The following IL20RA variants were observed in gnomAD, a reference collection of about 807,000 sequenced individuals.
IL20RA encodes interleukin 20 receptor subunit alpha.
A neutral mutation model predicts 36.5 loss-of-function variants in IL20RA; 29 were observed. That is an observed-to-expected ratio of 0.79 (90% CI 0.59 to 1.08). The LOEUF (loss-of-function observed/expected upper bound fraction) is 1.08. Among genes scored for constraint, IL20RA ranks in the 50% least tolerant of loss-of-function variants. IL20RA has a pLI of 0.00. For synonymous variants in IL20RA, 279 were observed against 267.1 expected (o/e 1.04, Z -0.43); for missense variants, 652 against 668.4 (o/e 0.98, Z 0.27).
intron 1 of IL20RA, chr6:137,042,848 T>A (rs1776749825): frequency 6.6e-6 from 1 of 152,150 alleles, no homozygotes; most frequent in Admixed American, 6.5e-5. Flanking sequence ...TTGTAGATAA[T>A]CCTTCAATTA....
At chr6:137,034,711 C>T (rs889084760) in intron 1 of IL20RA, among the ~76,000 whole-genome samples, 4 of 151,898 alleles carry the variant, frequency 2.6e-5, no homozygotes, top group East Asian at 1.9e-4. Context: ...GAGGCCAAGG[C>T]GGGCAGATCA....
intron 1 of IL20RA, among the ~76,000 whole-genome samples, chr6:137,024,853 C>A (rs185312559): frequency 1.3e-5 from 2 of 152,228 alleles, no homozygotes; most frequent in African/African-American, 4.8e-5. Context: ...CCACAGACAC[C>A]TGGGCAGGAG....
intron 1 of IL20RA, among the ~76,000 whole-genome samples, chr6:137,033,392 T>C (rs1204373039): frequency 2.0e-5 from 3 of 152,182 alleles, no homozygotes; most frequent in Non-Finnish European, 4.4e-5. Context: ...GTACTAAAAA[T>C]TCCCAATGTA....
intron 1 of IL20RA, 133 bp downstream of exon 1, chr6:137,044,508 C>T (rs1776826761): frequency 3.0e-6 from 3 of 985,040 alleles, no homozygotes; most frequent in Non-Finnish European, 2.6e-6. Context: ...CCTCCGCGCA[C>T]CTCGTCCTCT....
At chr6:137,030,853 G>A (rs532735054) in intron 1 of IL20RA, among the ~76,000 whole-genome samples, 3 of 151,770 alleles carry the variant, frequency 2.0e-5, no homozygotes, top group South Asian at 2.1e-4. Flanking sequence ...TTTTCAATTT[G>A]CCCAGTGGAT....
chr6:137,018,069 T>G (rs1170293970), intron 1 of IL20RA, among the ~76,000 whole-genome samples: 3 of 152,228 alleles, frequency 2.0e-5, no homozygotes, highest in Admixed American at 2.0e-4. Context: ...GTCACAAATA[T>G]GCACATTCTA....
Position 137,002,208 on chromosome 6 carries a change from TG to T in IL20RA, c.1011del (p.Ser338AlafsTer11). 1 of 1,614,212 alleles carries T rather than the reference TG, an allele frequency of 6.2e-7. No homozygotes were observed. The highest frequency in any genetic ancestry group is 8.5e-7 in the Non-Finnish European group (1 of 1,180,028). ...MSLLGKSSDV[S>X]SLNDPQPSGN... is the part of the protein sequence containing the mutation. Reference sequence around the variant, plus strand: ...CCGCTGGGCTGAGGATCATTAAGGCTGGATACATCACTGCTTTTTCCCAGTA... The same window carrying T: ...CCGCTGGGCTGAGGATCATTAAGGCTGATACATCACTGCTTTTTCCCAGTA... On this transcript the variant is annotated frameshift_variant, in exon 7 of 7. Coordinates refer to ENST00000316649, the MANE Select transcript of IL20RA (RefSeq NM_014432.4). LOFTEE classifies it low-confidence loss of function (END_TRUNC).
At chr6:137,010,593 G>GTCATGAC (rs1375009036) in intron 3 of IL20RA, among the ~76,000 whole-genome samples, 1 of 152,212 alleles carries the variant, frequency 6.6e-6, no homozygotes, top group South Asian at 2.1e-4. Flanking sequence ...GCAGCCCTGA[G>GTCATGAC]TGGGTCCTTC....
chr6:137,018,744 A>C (rs189191091), intron 1 of IL20RA, among the ~76,000 whole-genome samples: 1 of 152,306 alleles, frequency 6.6e-6, no homozygotes, highest in Non-Finnish European at 1.5e-5. Flanking sequence ...ATTTTTGAAG[A>C]CAAAATAGAA....
In IL20RA at chr6:137,004,474, C is replaced by G. The variant is rs114244716; in HGVS notation, c.864+147G>C. The G allele has an allele frequency of 6.8e-3, 5,674 of 837,388 alleles. 252 individuals are homozygous for G. In the African/African-American group the frequency reaches 0.086, roughly 13 times the overall value. 51.9% of individuals were successfully genotyped at this position (837,388 alleles called of 1,614,324 possible). A position where few individuals can be genotyped will look rare whatever the true frequency, so the allele number is the denominator to read the frequency against. ...TACAGGCGTGAGCCACCATGCCCAGCCCAGAAACTGTTTTTTAATTCACCA... is the reference window on the plus strand; with the variant it reads ...TACAGGCGTGAGCCACCATGCCCAGGCCAGAAACTGTTTTTTAATTCACCA... On this transcript the variant is annotated intron_variant, in intron 6 of 6. Transcript: ENST00000316649.
chr6:137,021,124 C>G (rs1366716922), intron 1 of IL20RA, among the ~76,000 whole-genome samples: 1 of 151,570 alleles, frequency 6.6e-6, no homozygotes. Flanking sequence ...CATCTTGTCT[C>G]TCTGCTTGTC....
chr6:137,005,413 T>C (rs1775244048), intron 5 of IL20RA, among the ~76,000 whole-genome samples: 1 of 152,088 alleles, frequency 6.6e-6, no homozygotes, highest in African/African-American at 2.4e-5. Context: ...TGAGTAAAAG[T>C]CCGCAGAGGA....
At position 137,000,006 on chromosome 6, in the gene IL20RA, TAAC is replaced by T. The variant is rs1314069048; in HGVS notation, c.*1549_*1551del. On this transcript the variant is annotated 3_prime_UTR_variant, in exon 7 of 7. Coordinates refer to ENST00000316649, the MANE Select transcript of IL20RA (RefSeq NM_014432.4). The stretch of plus-strand genomic sequence containing the variant: ...CACTTTATTTTTCTTTTGCTCTTAA[TAAC>T]AATTTATTCTTTCTCACTCTTGAAC... The T allele has an allele frequency of 6.6e-6, 1 of 152,378 alleles. No homozygotes were observed. The highest frequency in any genetic ancestry group is 1.9e-4 in the East Asian group (1 of 5,196). The allele number at this position is 152,378 out of a possible 1,614,324, so 9.4% of individuals were successfully genotyped here.
At position 137,044,908 on chromosome 6, in the gene IL20RA, C is replaced by T. The variant is rs1225419670; in HGVS notation, c.-180G>A. 2 of 500,176 alleles carry T rather than the reference C, an allele frequency of 4.0e-6. No homozygotes were observed. Among genetic ancestry groups the T allele is most frequent in the East Asian group, 4.2e-5 (1 of 23,878 alleles). The allele number at this position is 500,176 out of a possible 1,614,324, so 31.0% of individuals were successfully genotyped here. Reference sequence around the variant, plus strand: ...CGCGTCCCCCAGGCTTCCCCAGAAACCAAGGGCGAGCGACTCGCGGAGCCC... The same window carrying T: ...CGCGTCCCCCAGGCTTCCCCAGAAATCAAGGGCGAGCGACTCGCGGAGCCC... On this transcript the variant is annotated 5_prime_UTR_variant, in exon 1 of 7. Transcript: ENST00000316649.
chr6:137,005,406 G>C (rs1775243747), intron 5 of IL20RA, among the ~76,000 whole-genome samples: 2 of 152,150 alleles, frequency 1.3e-5, no homozygotes, highest in Admixed American at 1.3e-4. Context: ...CTCATGATGA[G>C]TAAAAGTCCG....
At chr6:137,030,389 AG>A (rs1776239681) in intron 1 of IL20RA, among the ~76,000 whole-genome samples, 1 of 152,130 alleles carries the variant, frequency 6.6e-6, no homozygotes, top group Admixed American at 6.6e-5. Context: ...CTCGGCCACC[AG>A]TTTTCAATGC....
At chr6:137,020,304 T>G (rs1187365625) in intron 1 of IL20RA, among the ~76,000 whole-genome samples, 1 of 152,228 alleles carries the variant, frequency 6.6e-6, no homozygotes, top group East Asian at 1.9e-4. Context: ...ACTACACTAC[T>G]GTGAAAGACC....
intron 1 of IL20RA, among the ~76,000 whole-genome samples, chr6:137,027,477 G>A (rs961412785): frequency 7.9e-5 from 12 of 152,200 alleles, no homozygotes; most frequent in African/African-American, 2.9e-4. Context: ...AGCTCAGGGA[G>A]AGATTCCAGA....
At chr6:137,032,931 A>G (rs1171849647) in intron 1 of IL20RA, among the ~76,000 whole-genome samples, 1 of 152,206 alleles carries the variant, frequency 6.6e-6, no homozygotes, top group African/African-American at 2.4e-5. Context: ...TACTTACATT[A>G]TTTTGCCACA....
Sources: allele counts gnomAD v4.1 joint callset (sites outside exome capture counted in the v4.1 genomes callset), GRCh38; gene constraint gnomAD v4.1.1; transcripts MANE v1.5; gene names NCBI Gene and HGNC (gene_info 2026-07-23, HGNC 2026-07-21).